ELAVL1: variants seen among roughly 807,000 people sequenced by gnomAD.
The protein encoded by ELAVL1 is ELAV like RNA binding protein 1.
In ELAVL1, 1 loss-of-function variant was observed where a neutral mutation model predicts 28.4. That is an observed-to-expected ratio of 0.04 (90% CI 0.01 to 0.17). ELAVL1 has a LOEUF of 0.17. Among genes scored for constraint, ELAVL1 ranks in the 10% least tolerant of loss-of-function variants. ELAVL1 has a pLI of 1.00. For synonymous variants in ELAVL1, 174 were observed against 183.5 expected (o/e 0.95, Z 0.42); for missense variants, 157 against 447.2 (o/e 0.35, Z 5.85).
chr19:7,972,920 C>G (rs1354475772), intron 4 of ELAVL1: 2 of 141,434 alleles, frequency 1.4e-5, no homozygotes, highest in African/African-American at 5.3e-5. Flanking sequence ...CCAGGCGATT[C>G]TCCTGCCTCA....
intron 1 of ELAVL1, among the ~76,000 whole-genome samples, chr19:7,996,124 T>C (rs1415350995): frequency 6.6e-6 from 1 of 151,906 alleles, no homozygotes; most frequent in East Asian, 1.9e-4. Flanking sequence ...GATCCTCCCA[T>C]CTTGGCCTCT....
At chr19:7,966,501 G>C (rs1206663968) in intron 5 of ELAVL1, among the ~76,000 whole-genome samples, 1 of 152,216 alleles carries the variant, frequency 6.6e-6, no homozygotes, top group African/African-American at 2.4e-5. Context: ...CACGAGGCAG[G>C]TGTTTGAAAA....
At chr19:7,968,354 G>C (rs1985011609) in intron 4 of ELAVL1, among the ~76,000 whole-genome samples, 1 of 152,212 alleles carries the variant, frequency 6.6e-6, no homozygotes, top group Admixed American at 6.5e-5. Flanking sequence ...GGAGGGAGTA[G>C]GGTCCTGTGG....
chr19:7,982,849 G>A lies in ELAVL1; in HGVS notation c.173-1663C>T, dbSNP rs1344534291. 7.9e-5 allele frequency among the ~76,000 whole-genome samples: 12 copies of A among 152,152 alleles called. No individual in the cohort carries two copies. The highest frequency in any genetic ancestry group is 1.5e-4 in the Non-Finnish European group (10 of 68,030). On this transcript the variant is annotated intron_variant, in intron 2 of 5. Coordinates refer to ENST00000407627, the MANE Select transcript of ELAVL1 (RefSeq NM_001419.3). This position sits in a 1 kb window ranked among gnomAD's most constrained non-coding sequence, Gnocchi z 4.3. ...GTTTTGAGGACTGGTCGGACATCCC[G>A]TAGACTCTCGATTGGGTTTGCTGGA...
In ELAVL1 at chr19:7,963,746, C is replaced by T. The variant is rs770736507; in HGVS notation, c.718G>A (p.Ala240Thr). 7 of 1,614,150 alleles carry T rather than the reference C, an allele frequency of 4.3e-6. No individual in the cohort carries two copies. Among genetic ancestry groups the T allele is most frequent in the African/African-American group, 4.0e-5 (3 of 74,960 alleles). The change falls in exon 6 of 6, where the codon GCC becomes ACC. Residue 240 changes from alanine to threonine, a missense_variant. Physicochemically the swap from Ala to Thr is moderately conservative, Grantham distance 58. This residue lies in a region of ELAVL1 where 107 missense variants were observed against 310.4 expected (regional missense o/e 0.34). Coordinates refer to ENST00000407627, the MANE Select transcript of ELAVL1 (RefSeq NM_001419.3). This position sits in a 1 kb window ranked among gnomAD's most constrained non-coding sequence, Gnocchi z 4.5. ...ATGAAAATGCACCAGCCGGAGGAGG[C>T]GTTTCCTGGCACGTTGACGCCAGAG... ...GLSGVNVPGN[A>T]SSGWCIFIYN...
chr19:7,966,615 G>A (rs1016190378), intron 5 of ELAVL1, among the ~76,000 whole-genome samples: 1 of 152,118 alleles, frequency 6.6e-6, no homozygotes, highest in Non-Finnish European at 1.5e-5. Flanking sequence ...GATATGAGAC[G>A]TTCATTATTC....
At chr19:8,002,215 A>G in intron 1 of ELAVL1, 1 of 993,544 alleles carries the variant, frequency 1.0e-6, no homozygotes, top group South Asian at 1.3e-5. Flanking sequence ...GCTGTATCCT[A>G]AAAAGCCCCA....
At chr19:7,969,420 C>G (rs1599665636) in intron 4 of ELAVL1, among the ~76,000 whole-genome samples, 1 of 152,294 alleles carries the variant, frequency 6.6e-6, no homozygotes, top group East Asian at 1.9e-4. Context: ...CCAGCTGCCC[C>G]CACAATCGCG....
rs945904643 is a variant in ELAVL1 at position 7,961,196 on chromosome 19, G to A, written c.*2287C>T. 2 of 152,272 alleles carry A rather than the reference G, an allele frequency of 1.3e-5. No individual in the cohort carries two copies. Among genetic ancestry groups the A allele is most frequent in the African/African-American group, 2.4e-5 (1 of 41,472 alleles). The allele number at this position is 152,272 out of a possible 1,614,324, so 9.4% of individuals were successfully genotyped here. A position where few individuals can be genotyped will look rare whatever the true frequency, so the allele number is the denominator to read the frequency against. On this transcript the variant is annotated 3_prime_UTR_variant, in exon 6 of 6. Transcript: ENST00000407627. Reference sequence around the variant, plus strand: ...AAAGAAGCTGAGGTGCTACAAGCCCGTCATCATTTTCACAGTTGAAGCTTA... The same window carrying A: ...AAAGAAGCTGAGGTGCTACAAGCCCATCATCATTTTCACAGTTGAAGCTTA...
intron 1 of ELAVL1, among the ~76,000 whole-genome samples, chr19:8,000,232 G>T (rs763868211): frequency 6.6e-6 from 1 of 152,232 alleles, no homozygotes; most frequent in Non-Finnish European, 1.5e-5. Flanking sequence ...GCCTCTGGGA[G>T]AAGTCTTGTT....
chr19:7,969,231 G>A (rs1985037318), intron 4 of ELAVL1, among the ~76,000 whole-genome samples: 1 of 152,188 alleles, frequency 6.6e-6, no homozygotes, highest in African/African-American at 2.4e-5. Flanking sequence ...CCAGTCAAAG[G>A]GTGTCTTAAG....
In ELAVL1 at chr19:7,982,250, G is replaced by A. The variant is rs1985484706; in HGVS notation, c.173-1064C>T. Among the ~76,000 whole-genome samples the A allele has an allele frequency of 6.6e-6, 1 of 152,196 alleles. No homozygotes were observed. The highest frequency in any genetic ancestry group is 2.4e-5 in the African/African-American group (1 of 41,446). ...CTAAAGGGGAAGTGAGGAGGCACAG[G>A]GAAGAGCGCAATCCCCGTCTCCCGC... On this transcript the variant is annotated intron_variant, in intron 2 of 5. Transcript: ENST00000407627. The surrounding 1 kb of genome is among the most constrained non-coding windows in gnomAD (Gnocchi z 4.3).
chr19:7,966,722 C>G (rs1041828585), intron 5 of ELAVL1, among the ~76,000 whole-genome samples: 3 of 152,116 alleles, frequency 2.0e-5, no homozygotes, highest in Admixed American at 2.0e-4. Flanking sequence ...TGGGTTCAAG[C>G]GATCCTCCCA....
At chr19:7,975,211 C>G (rs892294790) in intron 3 of ELAVL1, among the ~76,000 whole-genome samples, 1 of 152,316 alleles carries the variant, frequency 6.6e-6, no homozygotes, top group Non-Finnish European at 1.5e-5. Context: ...CCCCTAGTGT[C>G]CGGGCTTGCC....
intron 1 of ELAVL1, among the ~76,000 whole-genome samples, chr19:7,999,651 C>A (rs925183623): frequency 6.6e-6 from 1 of 151,988 alleles, no homozygotes; most frequent in South Asian, 2.1e-4. Context: ...GGCATGATCA[C>A]GGCTCACTGC....
intron 2 of ELAVL1, among the ~76,000 whole-genome samples, chr19:7,987,117 G>T (rs1325784822): frequency 0.015 from 431 of 28,900 alleles, 7 homozygotes; most frequent in Non-Finnish European, 0.022. Context: ...GGGGGGTGCC[G>T]GGGGGGGGGG....
intron 1 of ELAVL1, among the ~76,000 whole-genome samples, chr19:7,993,673 C>T (rs1209434307): frequency 2.0e-5 from 3 of 151,792 alleles, no homozygotes; most frequent in Non-Finnish European, 4.4e-5. Flanking sequence ...ATCCCTGCCT[C>T]TAAACACACA....
chr19:8,002,574 C>A (rs532261775), intron 1 of ELAVL1, among the ~76,000 whole-genome samples: 3 of 152,368 alleles, frequency 2.0e-5, no homozygotes, highest in African/African-American at 7.2e-5. Context: ...GGGGCGCCAG[C>A]CGGGCGCTGC....
intron 1 of ELAVL1, among the ~76,000 whole-genome samples, chr19:7,996,595 C>T (rs1261822720): frequency 6.6e-6 from 1 of 151,788 alleles, no homozygotes; most frequent in Non-Finnish European, 1.5e-5. Context: ...CACCTGAGGT[C>T]AGGAGTTTGA....
Sources: gnomAD v4.1 joint callset for allele counts (sites outside exome capture counted in the v4.1 genomes callset) on GRCh38, gnomAD v4.1.1 for gene constraint, gnomAD v4.1.1 regional missense constraint, Gnocchi (gnomAD v3.1) non-coding constraint, MANE v1.5 for transcripts, NCBI Gene and HGNC (gene_info 2026-07-23, HGNC 2026-07-21) for gene names.